The following OR51M1 variants were observed in gnomAD, a reference collection of about 807,000 sequenced individuals.
The protein encoded by OR51M1 is olfactory receptor 51M1.
For missense variants in OR51M1, 509 were observed against 404.4 expected (o/e 1.26, Z -2.22); for synonymous variants, 199 against 155.1 (o/e 1.28, Z -2.10).
In OR51M1 at chr11:5,389,699, T is replaced by A. The variant is rs546281294; in HGVS notation, c.301T>A (p.Ser101Thr). 6.2e-7 allele frequency: 1 copy of A among 1,613,728 alleles called. No homozygotes were observed. Among genetic ancestry groups the A allele is most frequent in the African/African-American group, 1.3e-5 (1 of 75,052 alleles). Residue 101 changes from serine to threonine, a missense_variant, in exon 3 of 3, where the codon TCC becomes ACC. Ser to Thr is a moderately conservative substitution (Grantham distance 58). Coordinates refer to ENST00000642046, the MANE Select transcript of OR51M1 (RefSeq NM_001004756.3). ...PTTMGIFWFN[S>T]HSIYFGACQI... ...CACTATGGGGATCTTCTGGTTTAAC[T>A]CCCATAGTATCTACTTTGGAGCGTG...
chr11:5,390,264 C>A lies in OR51M1; in HGVS notation c.866C>A (p.Ala289Asp). 1 of 1,613,986 alleles carries A rather than the reference C, an allele frequency of 6.2e-7. No individual in the cohort carries two copies. Among genetic ancestry groups the A allele is most frequent in the Non-Finnish European group, 8.5e-7 (1 of 1,179,894 alleles). ...HAPPAIHLLM[A>D]NVYLFVPPML... ...CCACCTGCTATTCATCTTCTTATGG[C>A]CAATGTCTACCTTTTTGTGCCTCCC... Residue 289 changes from alanine (A) to aspartate (D), a missense_variant, in exon 3 of 3, where the codon GCC (alanine) becomes GAC (aspartate). Physicochemically the swap from Ala to Asp is moderately radical, Grantham distance 126. Coordinates refer to ENST00000642046, the MANE Select transcript of OR51M1 (RefSeq NM_001004756.3).
chr11:5,389,996 G>C lies in OR51M1; in HGVS notation c.598G>C (p.Ala200Pro). The C allele has an allele frequency of 6.2e-7, 1 of 1,612,970 alleles. No individual in the cohort carries two copies. The highest frequency in any genetic ancestry group is 8.5e-7 in the Non-Finnish European group (1 of 1,179,892). The change falls in exon 3 of 3, where the codon GCC (alanine) becomes CCC (proline). Residue 200 changes from alanine to proline, a missense_variant. Physicochemically the swap from Ala to Pro is conservative, Grantham distance 27. Transcript: ENST00000642046. ...CCTGCACCAGGAAGTGATACAGCTG[G>C]CCTGCACAGATATCACCTTCAATAA... Reference protein sequence around the residue: ...FCLHQEVIQLACTDITFNNLY... With the variant: ...FCLHQEVIQLPCTDITFNNLY...
chr11:5,384,264 C>T lies in OR51M1; in HGVS notation c.-122+347C>T, dbSNP rs770127942. Among the ~76,000 whole-genome samples, 5 of 152,080 alleles carry T rather than the reference C, an allele frequency of 3.3e-5. No homozygotes were observed. The East Asian group carries it at 5.8e-4, about 18-fold the overall frequency. On this transcript the variant is annotated intron_variant, in intron 1 of 2. Transcript: ENST00000642046. Reference sequence around the variant, plus strand: ...ATCATAGCTCACTGTAAACTCAAACCGGATTCAAGCAATCCTCCCACCTTA... The same window carrying T: ...ATCATAGCTCACTGTAAACTCAAACTGGATTCAAGCAATCCTCCCACCTTA...
rs759292809 is a variant in OR51M1 at position 5,389,560 on chromosome 11, T to C, written c.162T>C (p.Asn54=). Residue 54 remains asparagine (N), a synonymous_variant, in exon 3 of 3, where the codon AAT becomes AAC. Coordinates refer to ENST00000642046, the MANE Select transcript of OR51M1 (RefSeq NM_001004756.3). Reference sequence around the variant, plus strand: ...TGTACATGGTTGCCATCTCAGGCAATTGTTTCATTCTGATCATTATTAAGA... The same window carrying C: ...TGTACATGGTTGCCATCTCAGGCAACTGTTTCATTCTGATCATTATTAAGA... ...FFMYMVAISG[N]CFILIIIKTN... 6 of 1,613,972 alleles carry C rather than the reference T, an allele frequency of 3.7e-6. No individual in the cohort carries two copies. Among genetic ancestry groups the C allele is most frequent in the South Asian group, 2.2e-5 (2 of 91,084 alleles).
chr11:5,387,735 T>TAGG, intron 2 of OR51M1, among the ~76,000 whole-genome samples: 2 of 151,824 alleles, frequency 1.3e-5, no homozygotes, highest in Non-Finnish European at 2.9e-5. Flanking sequence ...TCCTTGAATG[T>TAGG]TTTTCCCTAA....
chr11:5,390,302 A>C lies in OR51M1; in HGVS notation c.904A>C (p.Ile302Leu). The change falls in exon 3 of 3, where the codon ATC (isoleucine) becomes CTC (leucine). Residue 302 changes from isoleucine to leucine, a missense_variant. Transcript: ENST00000642046. ...TTTTGTGCCTCCCATGCTTAACCCA[A>C]TCATATACAGCATTAAGACCAAGGA... ...YLFVPPMLNP[I>L]IYSIKTKEIH... The C allele has an allele frequency of 6.2e-7, 1 of 1,613,780 alleles. No homozygotes were observed. Among genetic ancestry groups the C allele is most frequent in the Non-Finnish European group, 8.5e-7 (1 of 1,179,806 alleles).
At chr11:5,388,727 T>A (rs1849741778) in intron 2 of OR51M1, among the ~76,000 whole-genome samples, 1 of 152,044 alleles carries the variant, frequency 6.6e-6, no homozygotes, top group South Asian at 2.1e-4. Context: ...TCTCTCTTGC[T>A]ATATAGTAGT....
chr11:5,386,694 G>C (rs555417774), intron 2 of OR51M1, among the ~76,000 whole-genome samples: 1 of 152,170 alleles, frequency 6.6e-6, no homozygotes, highest in Admixed American at 6.5e-5. Context: ...TTTGCATGTT[G>C]AATGACAGGT....
chr11:5,386,086 T>G (rs1415283041), intron 2 of OR51M1, among the ~76,000 whole-genome samples: 2 of 152,088 alleles, frequency 1.3e-5, no homozygotes, highest in African/African-American at 4.8e-5. Flanking sequence ...CAGGAGAGAT[T>G]TGACAGAAGA....
intron 1 of OR51M1, among the ~76,000 whole-genome samples, chr11:5,384,636 C>T (rs1036900170): frequency 5.9e-5 from 9 of 152,102 alleles, no homozygotes; most frequent in South Asian, 2.1e-4. Flanking sequence ...TCTTTCCTGC[C>T]GAGCCATCTG....
rs1849766158 is a variant in OR51M1 at position 5,389,875 on chromosome 11, TG to T, written c.478del (p.Val160SerfsTer16). Reference protein sequence around the residue: ...GQQVVRAGLIVIFRGPVATIP... With the variant: ...GQQVVRAGLIXIFRGPVATIP... ...AGCAAGTGGTCAGAGCAGGCCTAAT[TG>T]TCATCTTCCGGGGACCTGTGGCCAC... is the stretch of plus-strand genomic sequence containing the variant. On this transcript the variant is annotated frameshift_variant, in exon 3 of 3. Transcript: ENST00000642046. LOFTEE classifies it low-confidence loss of function (END_TRUNC). 1 of 1,613,450 alleles carries T rather than the reference TG, an allele frequency of 6.2e-7. No homozygotes were observed. Among genetic ancestry groups the T allele is most frequent in the African/African-American group, 1.3e-5 (1 of 75,048 alleles).
rs779170296 is a variant in OR51M1 at position 5,390,245 on chromosome 11, G to A, written c.847G>A (p.Ala283Thr). 9.9e-6 allele frequency: 16 copies of A among 1,613,982 alleles called. No homozygotes were observed. The Admixed American group carries it at 2.5e-4, about 25-fold the overall frequency. ...VHRFGKHAPP[A>T]IHLLMANVYL... ...CCGTTTTGGGAAGCATGCCCCACCT[G>A]CTATTCATCTTCTTATGGCCAATGT... is the stretch of plus-strand genomic sequence containing the variant. Residue 283 changes from alanine to threonine, a missense_variant, in exon 3 of 3, where the codon GCT (alanine) becomes ACT (threonine). Physicochemically the swap from Ala to Thr is moderately conservative, Grantham distance 58. Coordinates refer to ENST00000642046, the MANE Select transcript of OR51M1 (RefSeq NM_001004756.3).
chr11:5,385,624 T>C (rs1264722643), intron 2 of OR51M1, among the ~76,000 whole-genome samples, 166 bp downstream of exon 2: 1 of 151,972 alleles, frequency 6.6e-6, no homozygotes, highest in African/African-American at 2.4e-5. Flanking sequence ...TTAATGGCAG[T>C]TTTTGCCAAT....
At chr11:5,387,376 T>A (rs576119658) in intron 2 of OR51M1, among the ~76,000 whole-genome samples, 1 of 152,262 alleles carries the variant, frequency 6.6e-6, no homozygotes, top group South Asian at 2.1e-4. Context: ...TTTAGCTAAG[T>A]GGGTTTTAAA....
chr11:5,386,779 A>G (rs1468495899), intron 2 of OR51M1, among the ~76,000 whole-genome samples: 1 of 152,164 alleles, frequency 6.6e-6, no homozygotes, highest in African/African-American at 2.4e-5. Flanking sequence ...TTACAGGGAT[A>G]GATTAAAAGA....
At chr11:5,387,173 A>G (rs549007562) in intron 2 of OR51M1, among the ~76,000 whole-genome samples, 2 of 152,344 alleles carry the variant, frequency 1.3e-5, no homozygotes, top group African/African-American at 4.8e-5. Context: ...AAGAGAGTGC[A>G]TAGAAGCTAT....
Position 5,390,221 on chromosome 11 carries a change from C to T in OR51M1, c.823C>T (p.Arg275Cys). 13 of 1,614,000 alleles carry T rather than the reference C, an allele frequency of 8.1e-6. No individual in the cohort carries two copies. Among genetic ancestry groups the T allele is most frequent in the South Asian group, 1.1e-5 (1 of 91,078 alleles). Residue 275 changes from arginine (R) to cysteine (C), a missense_variant, in exon 3 of 3, where the codon CGT becomes TGT. By Grantham distance (180) the Arg-to-Cys change is radical. Transcript: ENST00000642046. Reference sequence around the variant, plus strand: ...CATGATGGGGCTGTCCCTGGTGCACCGTTTTGGGAAGCATGCCCCACCTGC... The same window carrying T: ...CATGATGGGGCTGTCCCTGGTGCACTGTTTTGGGAAGCATGCCCCACCTGC... ...VPMMGLSLVH[R>C]FGKHAPPAIH...
chr11:5,388,300 C>G (rs183549465), intron 2 of OR51M1, among the ~76,000 whole-genome samples: 9 of 151,586 alleles, frequency 5.9e-5, no homozygotes, highest in Admixed American at 1.3e-4. Flanking sequence ...AGAAGCAATA[C>G]AGAAATTGAC....
intron 2 of OR51M1, among the ~76,000 whole-genome samples, chr11:5,387,956 T>C (rs1011716179): frequency 1.3e-5 from 2 of 152,166 alleles, no homozygotes; most frequent in African/African-American, 4.8e-5. Context: ...GTATTTTCAG[T>C]ACCTAGGTGT....
Sources: gnomAD v4.1 joint callset for allele counts (sites outside exome capture counted in the v4.1 genomes callset) on GRCh38, gnomAD v4.1.1 for gene constraint, MANE v1.5 for transcripts, NCBI Gene and HGNC (gene_info 2026-07-23, HGNC 2026-07-21) for gene names.